KSR2: variants seen among roughly 807,000 people sequenced by gnomAD.
The protein encoded by KSR2 is kinase suppressor of ras 2.
A neutral mutation model predicts 107.8 loss-of-function variants in KSR2; 25 were observed. The observed-to-expected ratio is 0.23, with a 90% CI of 0.17 to 0.32. The LOEUF is 0.32. KSR2 is among the 10% of genes least tolerant of loss of function. The pLI is 1.00. For missense variants in KSR2, 887 were observed against 1,268.9 expected, an observed-to-expected ratio of 0.70 and a Z score of 4.57; for synonymous variants, 480 against 507.0, an observed-to-expected ratio of 0.95 and a Z score of 0.71.
chr12:117,598,030 T>A (rs1880742166), intron 5 of KSR2, among the ~76,000 whole-genome samples: 1 of 120,280 alleles, frequency 8.3e-6, no homozygotes, highest in Non-Finnish European at 1.8e-5. Flanking sequence ...AGGTGGTTTT[T>A]GGTTACATGG....
intron 2 of KSR2, among the ~76,000 whole-genome samples, chr12:117,857,176 AGTCTCCT>A (rs2137232081): frequency 6.6e-6 from 1 of 152,218 alleles, no homozygotes; most frequent in African/African-American, 2.4e-5. Context: ...CTCCCACCTC[AGTCTCCT>A]GAGTAGCTGG....
Position 117,799,426 on chromosome 12 carries a change from G to A in KSR2, c.473-37902C>T, listed in dbSNP as rs542841076. 1.5e-3 allele frequency among the ~76,000 whole-genome samples: 234 copies of A among 151,886 alleles called. 1 individual carries two copies. Among genetic ancestry groups the A allele is most frequent in the African/African-American group, 5.4e-3 (224 of 41,402 alleles). ...CTGAGGCTGGAGAATAGCTTGAACC[G>A]GGAGGCAGAGGTTGCAGTGAGCCGA... On this transcript the variant is annotated intron_variant, in intron 3 of 19. Coordinates refer to ENST00000339824, the MANE Select transcript of KSR2 (RefSeq NM_173598.6).
rs76899771 is a variant in KSR2, at chr12:117,568,328, G to A, written c.1326-9755C>T. Among the ~76,000 whole-genome samples the A allele has an allele frequency of 2.4e-4, 36 of 152,302 alleles. 1 individual carries two copies. The highest frequency in any genetic ancestry group is 8.4e-4 in the African/African-American group (35 of 41,574). Reference sequence around the variant, plus strand: ...AAAGGATGATGGGAGCATGTGGCAGGCTGGGGGAGGGATGAGGAAAAGCTT... The same window carrying A: ...AAAGGATGATGGGAGCATGTGGCAGACTGGGGGAGGGATGAGGAAAAGCTT... On this transcript the variant is annotated intron_variant, in intron 7 of 19. Coordinates refer to ENST00000339824, the MANE Select transcript of KSR2 (RefSeq NM_173598.6).
chr12:117,789,596 G>A (rs1262992842), intron 3 of KSR2, among the ~76,000 whole-genome samples: 2 of 152,174 alleles, frequency 1.3e-5, no homozygotes, highest in Non-Finnish European at 2.9e-5. Context: ...GATCATTTAA[G>A]CCCACGTTTG....
intron 4 of KSR2, among the ~76,000 whole-genome samples, chr12:117,747,719 C>T (rs543897362): frequency 1.8e-4 from 28 of 152,240 alleles, no homozygotes; most frequent in Admixed American, 1.7e-3. Flanking sequence ...CATCATTAAT[C>T]ATCGAGGAAT....
intron 5 of KSR2, among the ~76,000 whole-genome samples, chr12:117,617,114 T>C (rs1162113924): frequency 6.6e-6 from 1 of 152,214 alleles, no homozygotes; most frequent in Non-Finnish European, 1.5e-5. Flanking sequence ...TTTGGAAAAT[T>C]CTTGATCACT....
intron 5 of KSR2, among the ~76,000 whole-genome samples, chr12:117,641,941 GA>G (rs1367639086): frequency 2.0e-5 from 3 of 152,152 alleles, no homozygotes; most frequent in Non-Finnish European, 4.4e-5. Flanking sequence ...TTCATCCACA[GA>G]ATCTTCCGTG....
chr12:117,712,420 G>C (rs372535888), intron 4 of KSR2, among the ~76,000 whole-genome samples: 1 of 152,134 alleles, frequency 6.6e-6, no homozygotes, highest in East Asian at 1.9e-4. Flanking sequence ...CAGCTGCTGA[G>C]ACCCTCAGCC....
At chr12:117,835,638 G>C (rs1892176544) in intron 3 of KSR2, among the ~76,000 whole-genome samples, 1 of 152,108 alleles carries the variant, frequency 6.6e-6, no homozygotes, top group African/African-American at 2.4e-5. Flanking sequence ...TGCCGCAGGG[G>C]ACATTTGACA....
chr12:117,848,852 G>A (rs944112979), intron 3 of KSR2, among the ~76,000 whole-genome samples: 1 of 151,722 alleles, frequency 6.6e-6, no homozygotes. Flanking sequence ...TGATGGTGAT[G>A]ATGGTGATGA....
Position 117,713,222 on chromosome 12 carries a change from T to C in KSR2, c.987-45564A>G, listed in dbSNP as rs540355325. On this transcript the variant is annotated intron_variant, in intron 4 of 19. Coordinates refer to ENST00000339824, the MANE Select transcript of KSR2 (RefSeq NM_173598.6). Reference sequence around the variant, plus strand: ...TATATAGATATATATAGATAGATAATAGATACAGATATATCTAAGTAGACA... The same window carrying C: ...TATATAGATATATATAGATAGATAACAGATACAGATATATCTAAGTAGACA... Among the ~76,000 whole-genome samples, 53 of 151,822 alleles carry C rather than the reference T, an allele frequency of 3.5e-4. 1 individual carries two copies. The highest frequency in any genetic ancestry group is 1.5e-3 in the Admixed American group (23 of 15,230).
intron 5 of KSR2, among the ~76,000 whole-genome samples, chr12:117,587,800 G>C (rs1219022302): frequency 6.6e-6 from 1 of 152,194 alleles, no homozygotes; most frequent in East Asian, 1.9e-4. Context: ...GGCAATGGGA[G>C]CCCCGATGTG....
intron 14 of KSR2, among the ~76,000 whole-genome samples, chr12:117,515,358 C>A (rs979869390): frequency 1.3e-5 from 2 of 152,146 alleles, no homozygotes; most frequent in African/African-American, 4.8e-5. Context: ...TAAATAGCAC[C>A]ATTCATTGTC....
At chr12:117,534,640 A>G (rs905792201) in intron 10 of KSR2, among the ~76,000 whole-genome samples, 5 of 152,138 alleles carry the variant, frequency 3.3e-5, no homozygotes, top group Non-Finnish European at 7.4e-5. Flanking sequence ...CCGCTACAAC[A>G]TGTCCAGGTC....
intron 19 of KSR2, chr12:117,467,750 C>T (rs1871226067): frequency 4.8e-6 from 2 of 418,670 alleles, no homozygotes; most frequent in Admixed American, 6.3e-5. Flanking sequence ...AAAAGGAACT[C>T]ATTTATTTTG....
At chr12:117,745,362 A>G (rs184300387) in intron 4 of KSR2, among the ~76,000 whole-genome samples, 1 of 152,238 alleles carries the variant, frequency 6.6e-6, no homozygotes, top group Non-Finnish European at 1.5e-5. Context: ...CAAGCTAAAA[A>G]GCTTCTGCAC....
intron 9 of KSR2, among the ~76,000 whole-genome samples, chr12:117,545,983 A>G (rs984310976): frequency 1.1e-4 from 16 of 152,160 alleles, no homozygotes; most frequent in Non-Finnish European, 1.9e-4. Flanking sequence ...AAGTGTTACA[A>G]TTTTTGCTTC....
intron 1 of KSR2, among the ~76,000 whole-genome samples, chr12:117,925,051 C>T (rs1038480856): frequency 6.6e-6 from 1 of 151,796 alleles, no homozygotes; most frequent in African/African-American, 2.4e-5. Context: ...ACAAATGAAA[C>T]AAGATTGGCA....
intron 1 of KSR2, among the ~76,000 whole-genome samples, chr12:117,878,047 A>G (rs1893916006): frequency 6.6e-6 from 1 of 150,810 alleles, no homozygotes; most frequent in Non-Finnish European, 1.5e-5. Flanking sequence ...AGGGGCTGAG[A>G]TGTGGAGAGG....
Sources: gnomAD v4.1 joint callset for allele counts (sites outside exome capture counted in the v4.1 genomes callset) on GRCh38, gnomAD v4.1.1 for gene constraint, MANE v1.5 for transcripts, NCBI Gene and HGNC (gene_info 2026-07-23, HGNC 2026-07-21) for gene names.